The following KIZ variants were observed in gnomAD, a reference collection of about 807,000 sequenced individuals.
KIZ encodes kizuna centrosomal protein.
Under a neutral mutation model 79.6 loss-of-function variants are expected in KIZ, and 68 were observed. The ratio of observed to expected loss-of-function variants is 0.85; its 90% CI spans 0.70 to 1.05. KIZ has a LOEUF of 1.05. Among genes scored for constraint, KIZ ranks in the 50% least tolerant of loss-of-function variants. KIZ has a pLI of 0.00. For synonymous variants in KIZ, 280 were observed against 281.8 expected (o/e 0.99, Z 0.06); for missense variants, 797 against 800.4 (o/e 1.00, Z 0.05).
chr20:21,178,949 A>G (rs1023682075), intron 6 of KIZ, among the ~76,000 whole-genome samples: 6 of 152,054 alleles, frequency 3.9e-5, no homozygotes, highest in African/African-American at 1.4e-4. Context: ...GATTCTTTTA[A>G]TGTACTGCTG....
intron 2 of KIZ, 86 bp downstream of exon 2, chr20:21,132,245 GTAGT>G: frequency 3.0e-6 from 2 of 677,886 alleles, no homozygotes; most frequent in Admixed American, 3.2e-5. Context: ...CATAAATATT[GTAGT>G]TAGAGTACTG....
intron 8 of KIZ, 116 bp downstream of exon 8, chr20:21,214,816 G>A: frequency 1.8e-6 from 1 of 569,900 alleles, no homozygotes; most frequent in Non-Finnish European, 3.1e-6. Context: ...ATTTTAATAT[G>A]CATAATATAG....
intron 7 of KIZ, among the ~76,000 whole-genome samples, chr20:21,208,520 G>A (rs1219241913): frequency 5.3e-5 from 8 of 152,232 alleles, no homozygotes; most frequent in East Asian, 3.9e-4. Context: ...TGGCTAACAC[G>A]GTGAAACCCC....
chr20:21,241,178 C>A (rs2037203485), intron 11 of KIZ, among the ~76,000 whole-genome samples: 1 of 152,206 alleles, frequency 6.6e-6, no homozygotes, highest in African/African-American at 2.4e-5. Flanking sequence ...CTCTATCCAG[C>A]ACACAATAGA....
chr20:21,196,061 C>G (rs1336926721), intron 6 of KIZ: 1 of 152,464 alleles, frequency 6.6e-6, no homozygotes, highest in Non-Finnish European at 1.5e-5. Flanking sequence ...TCCATCCTTG[C>G]AAGGCTGCCA....
Position 21,162,932 on chromosome 20 carries a change from C to T in KIZ, c.1125C>T (p.Ser375=), listed in dbSNP as rs1337298133. ...QEEEEESWST[S]SDLTISISED... ...AGGAGGAGGAAAGTTGGAGCACCAG[C>T]AGTGACCTTACCATTTCAATAAGTG... Residue 375 remains serine, a synonymous_variant, in exon 6 of 13, where the codon AGC becomes AGT. Transcript: ENST00000619189. 6.2e-7 allele frequency: 1 copy of T among 1,613,508 alleles called. No homozygotes were observed. The highest frequency in any genetic ancestry group is 8.5e-7 in the Non-Finnish European group (1 of 1,179,614).
chr20:21,215,412 A>G (rs1376692807), intron 8 of KIZ, among the ~76,000 whole-genome samples, 171 bp from the exon 9 acceptor site: 4 of 152,076 alleles, frequency 2.6e-5, no homozygotes, highest in Non-Finnish European at 4.4e-5. Context: ...ATTTTTGTCT[A>G]TGAGATACCT....
intron 6 of KIZ, among the ~76,000 whole-genome samples, chr20:21,175,384 T>C (rs561466016): frequency 1.2e-3 from 182 of 152,284 alleles, no homozygotes; most frequent in South Asian, 4.8e-3. Flanking sequence ...TCACAGCCAT[T>C]GTCACTTGGT....
At chr20:21,232,454 T>G (rs1279510716) in intron 10 of KIZ, among the ~76,000 whole-genome samples, 1 of 152,250 alleles carries the variant, frequency 6.6e-6, no homozygotes, top group African/African-American at 2.4e-5. Flanking sequence ...TATGCCTACA[T>G]GTGCATCTTA....
At chr20:21,220,006 T>C (rs1205431934) in intron 9 of KIZ, among the ~76,000 whole-genome samples, 1 of 152,136 alleles carries the variant, frequency 6.6e-6, no homozygotes, top group African/African-American at 2.4e-5. Flanking sequence ...TTTATTAGTC[T>C]AGTTGTTGTT....
chr20:21,172,808 T>C (rs181064611), intron 6 of KIZ, among the ~76,000 whole-genome samples: 1 of 152,314 alleles, frequency 6.6e-6, no homozygotes, highest in Non-Finnish European at 1.5e-5. Flanking sequence ...CTTTGTCATC[T>C]TTTAGACTGG....
intron 1 of KIZ, among the ~76,000 whole-genome samples, chr20:21,126,421 C>T (rs1256976771): frequency 1.3e-5 from 2 of 152,158 alleles, no homozygotes; most frequent in African/African-American, 4.8e-5. Context: ...AGACCGCCCC[C>T]GCCCCGTCAA....
intron 6 of KIZ, 73 bp downstream of exon 6, chr20:21,163,232 G>C (rs2033776226): frequency 5.8e-6 from 6 of 1,031,312 alleles, no homozygotes; most frequent in Non-Finnish European, 8.6e-6. Flanking sequence ...ATTCCACTGG[G>C]AATGTATTAT....
intron 6 of KIZ, among the ~76,000 whole-genome samples, chr20:21,176,394 A>G (rs2034435768): frequency 6.6e-6 from 1 of 152,152 alleles, no homozygotes; most frequent in African/African-American, 2.4e-5. Context: ...AGGAAAGTTT[A>G]GCCTCTGATA....
chr20:21,134,678 T>A (rs1472806895), intron 2 of KIZ, among the ~76,000 whole-genome samples: 1 of 151,216 alleles, frequency 6.6e-6, no homozygotes, highest in Non-Finnish European at 1.5e-5. Flanking sequence ...TTTTTTTTTT[T>A]TTCCCCAAGA....
intron 7 of KIZ, among the ~76,000 whole-genome samples, chr20:21,212,798 A>G (rs1406609995): frequency 6.6e-6 from 1 of 152,206 alleles, no homozygotes; most frequent in African/African-American, 2.4e-5. Flanking sequence ...TTCCAGAAGC[A>G]GGTGCAGTGC....
intron 6 of KIZ, among the ~76,000 whole-genome samples, chr20:21,172,009 A>T (rs764608076): frequency 8.5e-5 from 13 of 152,206 alleles, no homozygotes; most frequent in Non-Finnish European, 1.8e-4. Flanking sequence ...CAGAGGCTAA[A>T]TATCACTAAA....
rs2036831456 is a variant in KIZ at position 21,231,495 on chromosome 20, A to G, written c.1784-1239A>G. Among the ~76,000 whole-genome samples, 3 of 152,182 alleles carry G rather than the reference A, an allele frequency of 2.0e-5. No homozygotes were observed. In the South Asian group the frequency reaches 6.2e-4, roughly 32 times the overall value. On this transcript the variant is annotated intron_variant, in intron 10 of 12. Transcript: ENST00000619189. Reference sequence around the variant, plus strand: ...CTAGGTTGTGTAGTCAAGCACCCCTAAATTCATTTCCCTTGCCCCATACTC... The same window carrying G: ...CTAGGTTGTGTAGTCAAGCACCCCTGAATTCATTTCCCTTGCCCCATACTC...
At chr20:21,245,979 T>C in intron 12 of KIZ, 1 of 153,832 alleles carries the variant, frequency 6.5e-6, no homozygotes, top group Non-Finnish European at 1.4e-5. Context: ...TGTGTCACTG[T>C]CCCCATGGTT....
Sources: gnomAD v4.1 joint callset for allele counts (sites outside exome capture counted in the v4.1 genomes callset) on GRCh38, gnomAD v4.1.1 for gene constraint, MANE v1.5 for transcripts, NCBI Gene and HGNC (gene_info 2026-07-23, HGNC 2026-07-21) for gene names.